Variants in NKD2 observed in about 807,000 individuals in gnomAD.
NKD2 encodes protein naked cuticle homolog 2.
Under a neutral mutation model 34.8 loss-of-function variants are expected in NKD2, and 43 were observed. That is an observed-to-expected ratio of 1.24 (90% confidence interval 0.97 to 1.60). The LOEUF is 1.60. NKD2 is among the 40% of genes most tolerant of loss of function. The probability of loss-of-function intolerance (pLI) is 0.00; values close to 1 mark genes in which losing one functional copy is unlikely to be tolerated. For synonymous variants in NKD2, 278 were observed against 265.1 expected (o/e 1.05, Z -0.47); for missense variants, 675 against 627.1 (o/e 1.08, Z -0.82).
chr5:1,034,112 T>A (rs943447909), intron 5 of NKD2, 123 bp from the exon 6 acceptor site: 6 of 690,830 alleles, frequency 8.7e-6, no homozygotes, highest in Non-Finnish European at 1.5e-5. Context: ...CCCTCTAGGC[T>A]CCGCCTTTCC....
At chr5:1,026,479 T>C (rs147188612) in intron 3 of NKD2, among the ~76,000 whole-genome samples, 2,740 of 24,858 alleles carry the variant, frequency 0.11, 387 homozygotes, top group African/African-American at 0.26. Flanking sequence ...GCTCTTCCCA[T>C]CTGCTGTGGG....
In NKD2 at chr5:1,009,538, A is replaced by G; in HGVS notation, c.119A>G (p.Glu40Gly). Residue 40 changes from glutamate (E) to glycine (G), a missense_variant, in exon 3 of 10, where the codon GAG becomes GGG. Physicochemically the swap from Glu to Gly is moderately conservative, Grantham distance 98. Transcript: ENST00000296849. This position sits in a 1 kb window ranked among gnomAD's most constrained non-coding sequence, Gnocchi z 6.9. ...GGCCGCAAAGGCGCGGAGGAAGCGG[A>G]GCGGCGCGCGCGGGACAAGCAGGTA... ...ASGRKGAEEAERRARDKQELP... is the reference protein window; with the variant it reads ...ASGRKGAEEAGRRARDKQELP... 6.7e-7 allele frequency: 1 copy of G among 1,492,134 alleles called. No homozygotes were observed. Among genetic ancestry groups the G allele is most frequent in the Non-Finnish European group, 8.8e-7 (1 of 1,129,970 alleles). 92.4% of individuals were successfully genotyped at this position (1,492,134 alleles called of 1,614,324 possible).
rs1473284745 is a variant in NKD2 at position 1,034,236 on chromosome 5, C to T, written c.332C>T (p.Ala111Val). The T allele has an allele frequency of 1.9e-6, 3 of 1,610,716 alleles. No individual in the cohort carries two copies. The highest frequency in any genetic ancestry group is 2.2e-5 in the East Asian group (1 of 44,848). The change falls in exon 6 of 10, where the codon GCA becomes GTA. Residue 111 changes from alanine to valine, a missense_variant and splice_region_variant. Ala to Val is a moderately conservative substitution (Grantham distance 64). Transcript: ENST00000296849. ...GPGGQRLNID[A>V]LQCDVSVEED... is the part of the protein sequence containing the mutation. The stretch of plus-strand genomic sequence containing the variant: ...CCCGGCCCCCACGTCCCCCCACAGG[C>T]ACTCCAGTGCGATGTCTCGGTGGAG...
At chr5:1,012,281 T>C (rs574576244) in intron 3 of NKD2, among the ~76,000 whole-genome samples, 1 of 152,252 alleles carries the variant, frequency 6.6e-6, no homozygotes, top group African/African-American at 2.4e-5. Flanking sequence ...GCGCTGGGGC[T>C]AACTCCAGAG....
intron 9 of NKD2, chr5:1,037,528 C>G: frequency 6.5e-7 from 1 of 1,535,790 alleles, no homozygotes; most frequent in Non-Finnish European, 8.7e-7. Context: ...AGGGTCTCAG[C>G]TGTGCGAGAA....
chr5:1,009,478 C>T lies in NKD2; in HGVS notation c.62-3C>T, dbSNP rs762078106. On this transcript the variant is annotated splice_polypyrimidine_tract_variant and splice_region_variant and intron_variant, in intron 2 of 9. Coordinates refer to ENST00000296849, the MANE Select transcript of NKD2 (RefSeq NM_033120.4). This position sits in a 1 kb window ranked among gnomAD's most constrained non-coding sequence, Gnocchi z 6.9. ...TTCCCGCGCGTCCGCCCCCGGACCGCAGGGGACAGCTTCGTGGCGTCCGCG... is the reference window on the plus strand; with the variant it reads ...TTCCCGCGCGTCCGCCCCCGGACCGTAGGGGACAGCTTCGTGGCGTCCGCG... 1 of 1,497,992 alleles carries T rather than the reference C, an allele frequency of 6.7e-7. No individual in the cohort carries two copies. The highest frequency in any genetic ancestry group is 1.2e-5 in the South Asian group (1 of 80,424). 92.8% of individuals were successfully genotyped at this position (1,497,992 alleles called of 1,614,324 possible). A position where few individuals can be genotyped will look rare whatever the true frequency, so the allele number is the denominator to read the frequency against.
chr5:1,015,472 C>T (rs963073354), intron 3 of NKD2, among the ~76,000 whole-genome samples: 1 of 152,242 alleles, frequency 6.6e-6, no homozygotes, highest in African/African-American at 2.4e-5. Flanking sequence ...AGACAGCTAC[C>T]TGCCAGATCA....
At chr5:1,018,535 G>T (rs549384610) in intron 3 of NKD2, among the ~76,000 whole-genome samples, 33 of 152,162 alleles carry the variant, frequency 2.2e-4, no homozygotes, top group Admixed American at 5.2e-4. Flanking sequence ...GCTCACGTGT[G>T]TTGGGGGGAG....
chr5:1,012,594 C>T (rs985243639), intron 3 of NKD2, among the ~76,000 whole-genome samples: 5 of 152,266 alleles, frequency 3.3e-5, no homozygotes, highest in African/African-American at 1.2e-4. Context: ...CCTTCACCTG[C>T]ACTGGCCTCT....
chr5:1,018,424 T>G (rs2150731116), intron 3 of NKD2, among the ~76,000 whole-genome samples: 1 of 152,324 alleles, frequency 6.6e-6, no homozygotes, highest in Non-Finnish European at 1.5e-5. Flanking sequence ...TGAAAGCGAT[T>G]TAGGTTTTCT....
intron 3 of NKD2, among the ~76,000 whole-genome samples, chr5:1,012,537 A>G (rs1222678599): frequency 6.6e-6 from 1 of 152,244 alleles, no homozygotes; most frequent in Admixed American, 6.5e-5. Context: ...CACAGTCGTA[A>G]GACCTGCTGG....
intron 3 of NKD2, among the ~76,000 whole-genome samples, chr5:1,018,101 C>T (rs1177484799): frequency 6.6e-6 from 1 of 152,116 alleles, no homozygotes; most frequent in African/African-American, 2.4e-5. Context: ...CGGTAGCAGG[C>T]AGGGGCTGCG....
chr5:1,016,922 C>T (rs975725786), intron 3 of NKD2, among the ~76,000 whole-genome samples: 1 of 151,766 alleles, frequency 6.6e-6, no homozygotes, highest in Non-Finnish European at 1.5e-5. Context: ...ACAGAGCTGA[C>T]CTCACCCTCC....
intron 8 of NKD2, 82 bp downstream of exon 8, chr5:1,035,555 C>CCA: frequency 9.3e-7 from 1 of 1,080,664 alleles, no homozygotes; most frequent in Non-Finnish European, 1.4e-6. Flanking sequence ...AGGCCACAGG[C>CCA]CACAGGCCAC....
chr5:1,027,937 CA>C (rs2150741333), intron 3 of NKD2, among the ~76,000 whole-genome samples: 1 of 152,368 alleles, frequency 6.6e-6, no homozygotes, highest in Admixed American at 6.5e-5. Flanking sequence ...GGCGCCTCTG[CA>C]GGGGTTCCGA....
At chr5:1,019,323 C>T (rs1040220860) in intron 3 of NKD2, among the ~76,000 whole-genome samples, 6 of 152,188 alleles carry the variant, frequency 3.9e-5, no homozygotes, top group African/African-American at 9.7e-5. Flanking sequence ...TGTCCCGTAA[C>T]AAAGATGCGC....
Position 1,037,873 on chromosome 5 carries a change from T to A in NKD2, c.856T>A (p.Ser286Thr). 1 of 1,603,904 alleles carries A rather than the reference T, an allele frequency of 6.2e-7. No homozygotes were observed. The highest frequency in any genetic ancestry group is 1.3e-5 in the African/African-American group (1 of 74,926). ...CTCGCACCTCCAGGCCCGGTCCCGC[T>A]CCCAGGAGCCAGATACACATGCCGT... ...RASHLQARSR[S>T]QEPDTHAVHH... The change falls in exon 10 of 10, where the codon TCC becomes ACC. Residue 286 changes from serine to threonine, a missense_variant. Physicochemically the swap from Ser to Thr is moderately conservative, Grantham distance 58 (BLOSUM62 1). Transcript: ENST00000296849.
chr5:1,009,099 TAGGGCGGG>T lies in NKD2; in HGVS notation c.25+26_25+33del, dbSNP rs767613138. ...CGAAGCACGGTGAGCCGCGGGCCGG[TAGGGCGGG>T]AGGGCGGGCGGGCGGGCGTGGGGCC... On this transcript the variant is annotated intron_variant, in intron 1 of 9. Coordinates refer to ENST00000296849, the MANE Select transcript of NKD2 (RefSeq NM_033120.4). This position sits in a 1 kb window ranked among gnomAD's most constrained non-coding sequence, Gnocchi z 6.9. 222 of 142,948 alleles carry T rather than the reference TAGGGCGGG, an allele frequency of 1.6e-3. No individual in the cohort carries two copies. In the East Asian group the frequency reaches 0.025, roughly 16 times the overall value. 8.9% of individuals were successfully genotyped at this position (142,948 alleles called of 1,614,324 possible). A position where few individuals can be genotyped will look rare whatever the true frequency, so the allele number is the denominator to read the frequency against.
rs966261286 is a variant in NKD2 at position 1,008,819 on chromosome 5, C to T, written c.-239C>T. 4.5e-5 allele frequency: 11 copies of T among 246,102 alleles called. No homozygotes were observed. The highest frequency in any genetic ancestry group is 8.1e-5 in the East Asian group (1 of 12,366). 15.2% of individuals were successfully genotyped at this position (246,102 alleles called of 1,614,324 possible). ...ACGCGCTCAGAGGGAGCCGGGCCGCCGTCGCTGCCGCCGCTGTCCCCGCGC... is the reference window on the plus strand; with the variant it reads ...ACGCGCTCAGAGGGAGCCGGGCCGCTGTCGCTGCCGCCGCTGTCCCCGCGC... On this transcript the variant is annotated 5_prime_UTR_variant, in exon 1 of 10. Coordinates refer to ENST00000296849, the MANE Select transcript of NKD2 (RefSeq NM_033120.4).
Sources: gnomAD v4.1 joint callset for allele counts (sites outside exome capture counted in the v4.1 genomes callset) on GRCh38, gnomAD v4.1.1 for gene constraint, Gnocchi (gnomAD v3.1) non-coding constraint, MANE v1.5 for transcripts, NCBI Gene and HGNC (gene_info 2026-07-23, HGNC 2026-07-21) for gene names.